FRMPD3: variants seen among roughly 807,000 people sequenced by gnomAD.
FRMPD3 encodes FERM and PDZ domain containing 3.
FRMPD3 carries 42 observed loss-of-function variants against 97.9 expected under a neutral mutation model. That is an observed-to-expected ratio of 0.43 (90% CI 0.34 to 0.55). The LOEUF (loss-of-function observed/expected upper bound fraction) is 0.55. Ranked by LOEUF, FRMPD3 falls within the 20% of genes least tolerant of loss-of-function variation. The pLI is 0.03. For missense variants in FRMPD3, 1,303 were observed against 1,457.7 expected, an observed-to-expected ratio of 0.89 and a Z score of 1.73; for synonymous variants, 577 against 581.1, an observed-to-expected ratio of 0.99 and a Z score of 0.10.
chrX:107,572,535 C>T (rs1392427541), intron 12 of FRMPD3, among the ~76,000 whole-genome samples: 2 of 110,877 alleles, frequency 1.8e-5, no homozygotes, highest in Admixed American at 9.6e-5. Context: ...GTCAGGAGTT[C>T]GAGACTAGCC....
chrX:107,522,495 C>T lies in FRMPD3; in HGVS notation c.-7-4087C>T, dbSNP rs200015144. 623 of 543,896 alleles carry T rather than the reference C, an allele frequency of 1.1e-3. 2 individuals are homozygous for T. The highest frequency in any genetic ancestry group is 2.8e-3 in the Admixed American group (121 of 43,424). The allele number at this position is 543,896 out of a possible 1,213,427, so 44.8% of individuals were successfully genotyped here. On this transcript the variant is annotated intron_variant, in intron 1 of 14. Coordinates refer to ENST00000683843, the MANE Select transcript of FRMPD3 (RefSeq NM_001388459.1). Reference sequence around the variant, plus strand: ...GAGGGTCCAGGACCGTGAGTGGGAGCAGGTAGGGGGTGCTGCAATTGTGGG... The same window carrying T: ...GAGGGTCCAGGACCGTGAGTGGGAGTAGGTAGGGGGTGCTGCAATTGTGGG...
chrX:107,537,090 C>G (rs1923273398), intron 4 of FRMPD3, among the ~76,000 whole-genome samples: 1 of 111,843 alleles, frequency 8.9e-6, no homozygotes, highest in South Asian at 3.8e-4. Flanking sequence ...CTGCAGGTCC[C>G]AACCCATGGC....
In FRMPD3 at chrX:107,592,793, C is replaced by CT. The variant is rs35096358; in HGVS notation, c.1442-4507dup. ...TTTTTATTTTTAAATTATGACCATTCTTTTTTTTTTTTTTTTTTTTTGACA... is the reference window on the plus strand; with the variant it reads ...TTTTTATTTTTAAATTATGACCATTCTTTTTTTTTTTTTTTTTTTTTTGACA... On this transcript the variant is annotated intron_variant, in intron 13 of 14. Coordinates refer to ENST00000683843, the MANE Select transcript of FRMPD3 (RefSeq NM_001388459.1). 7.4e-3 allele frequency among the ~76,000 whole-genome samples: 524 copies of CT among 71,272 alleles called. 9 individuals carry two copies. The highest frequency in any genetic ancestry group is 0.031 in the East Asian group (77 of 2,521). 61.9% of individuals were successfully genotyped at this position (71,272 alleles called of 115,157 possible).
chrX:107,570,471 C>G (rs1922835730), intron 12 of FRMPD3, among the ~76,000 whole-genome samples: 1 of 110,544 alleles, frequency 9.0e-6, no homozygotes, highest in Admixed American at 9.5e-5. Flanking sequence ...ATTTAAAAAC[C>G]ACTGGATGCC....
chrX:107,527,769 A>C (rs1922754003), intron 2 of FRMPD3, among the ~76,000 whole-genome samples: 1 of 111,767 alleles, frequency 8.9e-6, no homozygotes, highest in African/African-American at 3.3e-5. Context: ...TGAATTTTGC[A>C]ATCCTCCAAG....
intron 6 of FRMPD3, among the ~76,000 whole-genome samples, chrX:107,551,523 A>G (rs1921861894): frequency 8.9e-6 from 1 of 111,753 alleles, no homozygotes; most frequent in South Asian, 3.8e-4. Flanking sequence ...CCCACCTCAC[A>G]TCATCAGCGC....
In FRMPD3 at chrX:107,498,659, A is replaced by G. The variant is rs186683626; in HGVS notation, c.-7-27923A>G. Reference sequence around the variant, plus strand: ...AGAGCTCAAGGGAATGGGGACATAAAACATCATTTTGATGCTCAGGAGGAT... The same window carrying G: ...AGAGCTCAAGGGAATGGGGACATAAGACATCATTTTGATGCTCAGGAGGAT... On this transcript the variant is annotated intron_variant, in intron 1 of 14. Coordinates refer to ENST00000683843, the MANE Select transcript of FRMPD3 (RefSeq NM_001388459.1). Among the ~76,000 whole-genome samples the G allele has an allele frequency of 5.4e-5, 6 of 111,632 alleles. No homozygotes were observed. In the East Asian group the frequency reaches 1.4e-3, roughly 26 times the overall value.
chrX:107,471,304 C>T (rs1453636686), intron 1 of FRMPD3, among the ~76,000 whole-genome samples: 1 of 92,789 alleles, frequency 1.1e-5, no homozygotes, highest in Non-Finnish European at 2.1e-5. Flanking sequence ...TTCCTTCTTT[C>T]CTTCCCTCCC....
chrX:107,475,640 T>A (rs764219726), intron 1 of FRMPD3, among the ~76,000 whole-genome samples: 3 of 112,591 alleles, frequency 2.7e-5, no homozygotes, highest in African/African-American at 9.7e-5. Flanking sequence ...TCTTAGAATG[T>A]AAGGCCCAGT....
intron 1 of FRMPD3, among the ~76,000 whole-genome samples, chrX:107,461,557 A>T (rs979374871): frequency 9.1e-6 from 1 of 110,463 alleles, no homozygotes; most frequent in African/African-American, 3.3e-5. Context: ...GCAGCCTCCT[A>T]ACTGGTCTCT....
At chrX:107,584,291 T>TG (rs1036261044) in intron 13 of FRMPD3, among the ~76,000 whole-genome samples, 3 of 111,901 alleles carry the variant, frequency 2.7e-5, no homozygotes, top group African/African-American at 9.8e-5. Context: ...TGGGATTGTT[T>TG]GTTTTTTTTC....
At chrX:107,492,276 C>T (rs1263835474) in intron 1 of FRMPD3, among the ~76,000 whole-genome samples, 2 of 111,524 alleles carry the variant, frequency 1.8e-5, no homozygotes, top group African/African-American at 6.5e-5. Flanking sequence ...AATTCACAGC[C>T]CTCGCATCCC....
intron 13 of FRMPD3, among the ~76,000 whole-genome samples, chrX:107,583,938 G>A (rs1207536056): frequency 5.8e-5 from 6 of 102,607 alleles, no homozygotes; most frequent in East Asian, 3.0e-4. Context: ...GCGTGATCTC[G>A]GCTTACTGCA....
At position 107,450,017 on chromosome X, in the gene FRMPD3, G is replaced by T. The variant is rs1288675576; in HGVS notation, c.-8+12G>T. Among the ~76,000 whole-genome samples the T allele has an allele frequency of 9.0e-6, 1 of 110,687 alleles. No individual in the cohort carries two copies. The highest frequency in any genetic ancestry group is 1.9e-5 in the Non-Finnish European group (1 of 52,405). On this transcript the variant is annotated intron_variant, in intron 1 of 14. Transcript: ENST00000683843. ...GGAGGGGGAGGAAGGTAAGAGGCGC[G>T]CTGCCTTCAGGGGGGCGCGCCCGCT...
At chrX:107,487,649 C>G (rs952453090) in intron 1 of FRMPD3, among the ~76,000 whole-genome samples, 2 of 111,799 alleles carry the variant, frequency 1.8e-5, no homozygotes, top group African/African-American at 6.5e-5. Flanking sequence ...AGTTTCTAAA[C>G]TTCCACTTGA....
chrX:107,477,800 C>T (rs1404374485), intron 1 of FRMPD3, among the ~76,000 whole-genome samples: 1 of 111,784 alleles, frequency 8.9e-6, no homozygotes, highest in Non-Finnish European at 1.9e-5. Context: ...TCAGACTCCA[C>T]AGCCCAGGAA....
At chrX:107,533,298 C>T (rs1037576040) in intron 3 of FRMPD3, among the ~76,000 whole-genome samples, 1 of 111,676 alleles carries the variant, frequency 9.0e-6, no homozygotes, top group Non-Finnish European at 1.9e-5. Context: ...ATACCATCTT[C>T]GGATACCTGT....
intron 1 of FRMPD3, among the ~76,000 whole-genome samples, chrX:107,511,507 TG>T (rs930193757): frequency 1.3e-4 from 15 of 112,777 alleles, no homozygotes; most frequent in African/African-American, 4.5e-4. Flanking sequence ...CATCAGGGGT[TG>T]GGGGCATGGA....
intron 13 of FRMPD3, among the ~76,000 whole-genome samples, chrX:107,577,072 T>C (rs1205834926): frequency 1.0e-5 from 1 of 100,461 alleles, no homozygotes; most frequent in Non-Finnish European, 2.0e-5. Flanking sequence ...TGAGTAGTCA[T>C]ATCACACTTT....
Sources: allele counts gnomAD v4.1 joint callset (sites outside exome capture counted in the v4.1 genomes callset), GRCh38; gene constraint gnomAD v4.1.1; transcripts MANE v1.5; gene names NCBI Gene and HGNC (gene_info 2026-07-23, HGNC 2026-07-21).